The following ABCA9 variants were observed in gnomAD, a reference collection of about 807,000 sequenced individuals.
ABCA9 encodes the protein ATP binding cassette subfamily A member 9.
ABCA9 carries 183 observed loss-of-function variants against 205.3 expected under a neutral mutation model. The observed-to-expected ratio is 0.89, with a 90% CI of 0.79 to 1.01. The LOEUF (loss-of-function observed/expected upper bound fraction) is 1.01. Among genes scored for constraint, ABCA9 ranks in the 50% least tolerant of loss-of-function variants. The pLI, the probability that ABCA9 is intolerant of heterozygous loss-of-function variation, is 0.00. For synonymous variants in ABCA9, 651 were observed against 683.3 expected (o/e 0.95, Z 0.74); for missense variants, 1,805 against 1,912.4 (o/e 0.94, Z 1.05).
chr17:69,007,809 A>G lies in ABCA9; in HGVS notation c.3385T>C (p.Phe1129Leu). The G allele has an allele frequency of 6.2e-7, 1 of 1,612,194 alleles. No homozygotes were observed. Among genetic ancestry groups the G allele is most frequent in the Non-Finnish European group, 8.5e-7 (1 of 1,178,596 alleles). Residue 1129 changes from phenylalanine to leucine, a missense_variant, in exon 25 of 39, where the codon TTT becomes CTT. Coordinates refer to ENST00000340001, the MANE Select transcript of ABCA9 (RefSeq NM_080283.4). ...CCACTATTTTTTCTCCCATTGCGAA[A>G]AATGAATGAAATCACATATGTCAAG... ...VFLTYVISFI[F>L]RNGRKNSGIW...
chr17:69,026,889 G>C (rs1240204836), intron 15 of ABCA9, 87 bp downstream of exon 15: 2 of 1,491,396 alleles, frequency 1.3e-6, no homozygotes, highest in African/African-American at 2.8e-5. Flanking sequence ...GGCAGTTCCA[G>C]GGAGACACAG....
chr17:68,987,965 T>A lies in ABCA9; in HGVS notation c.4047+1062A>T, dbSNP rs143741031. On this transcript the variant is annotated intron_variant, in intron 31 of 38. Transcript: ENST00000340001. Reference sequence around the variant, plus strand: ...TTTTGGTAGAGATGGTGCTTCTCCATGTTGGTCAGATTGGTCTCTAACTCC... The same window carrying A: ...TTTTGGTAGAGATGGTGCTTCTCCAAGTTGGTCAGATTGGTCTCTAACTCC... Among the ~76,000 whole-genome samples, 149 of 152,290 alleles carry A rather than the reference T, an allele frequency of 9.8e-4. 1 individual carries two copies. Among genetic ancestry groups the A allele is most frequent in the East Asian group, 6.0e-3 (31 of 5,172 alleles).
intron 25 of ABCA9, among the ~76,000 whole-genome samples, chr17:69,003,786 G>C (rs914042354): frequency 6.6e-6 from 1 of 151,830 alleles, no homozygotes; most frequent in African/African-American, 2.4e-5. Flanking sequence ...TTTTCACATA[G>C]TCCCATATTT....
rs200082054 is a variant in ABCA9 at position 69,024,334 on chromosome 17, A to G, written c.2161T>C (p.Cys721Arg). 26 of 1,595,226 alleles carry G rather than the reference A, an allele frequency of 1.6e-5. 1 individual carries two copies. The East Asian group carries it at 5.4e-4, about 33-fold the overall frequency. The change falls in exon 17 of 39, where the codon TGT becomes CGT. Residue 721 changes from cysteine (C) to arginine (R), a missense_variant. Physicochemically the swap from Cys to Arg is radical, Grantham distance 180. Transcript: ENST00000340001. Reference sequence around the variant, plus strand: ...AGTGATGTTATACTCTCTGGATCACACCTTTCATTCAGATGCAAACTAACA... The same window carrying G: ...AGTGATGTTATACTCTCTGGATCACGCCTTTCATTCAGATGCAAACTAACA... ...YHLSLHLNER[C>R]DPESITSLVK...
chr17:69,050,380 A>G (rs1598413623), intron 2 of ABCA9, among the ~76,000 whole-genome samples: 1 of 151,638 alleles, frequency 6.6e-6, no homozygotes, highest in East Asian at 1.9e-4. Context: ...ACACACGTTC[A>G]TAAGATCAGA....
chr17:69,070,494 A>G, the ABCA9 span, among the ~76,000 whole-genome samples: 2 of 152,166 alleles, frequency 1.3e-5, no homozygotes, highest in African/African-American at 4.8e-5. Context: ...CAAGGGGTCA[A>G]GGAACTCCCT....
chr17:69,053,354 T>C (rs2071968607), intron 1 of ABCA9, among the ~76,000 whole-genome samples: 1 of 152,146 alleles, frequency 6.6e-6, no homozygotes, highest in Admixed American at 6.5e-5. Flanking sequence ...CCAAATATTA[T>C]AACTAACGCT....
chr17:69,035,326 A>G lies in ABCA9; in HGVS notation c.1048T>C (p.Leu350=). The change falls in exon 8 of 39, where the codon TTG becomes CTG. Residue 350 remains leucine (L), a synonymous_variant. Transcript: ENST00000340001. ...AAAAATGCAGGAAGACGTGTATACA[A>G]TGCTGGGAATCCCAGGATCCCCCAA... ...VFWGILGFPA[L]YTRLPAFLEW... 1 of 1,611,154 alleles carries G rather than the reference A, an allele frequency of 6.2e-7. No homozygotes were observed. The highest frequency in any genetic ancestry group is 8.5e-7 in the Non-Finnish European group (1 of 1,178,382).
At chr17:69,054,682 A>G (rs2072012743) in intron 1 of ABCA9, among the ~76,000 whole-genome samples, 1 of 151,976 alleles carries the variant, frequency 6.6e-6, no homozygotes, top group African/African-American at 2.4e-5. Context: ...TCAATTGTGT[A>G]TACTTATGTT....
chr17:68,987,223 A>C (rs1423733159), intron 31 of ABCA9, among the ~76,000 whole-genome samples: 1 of 152,228 alleles, frequency 6.6e-6, no homozygotes, highest in Non-Finnish European at 1.5e-5. Flanking sequence ...CAACAAGGTA[A>C]ATCTCGGACT....
At chr17:69,013,332 G>T (rs2070453756) in intron 22 of ABCA9, among the ~76,000 whole-genome samples, 1 of 152,026 alleles carries the variant, frequency 6.6e-6, no homozygotes, top group African/African-American at 2.4e-5. Context: ...GAGTTTTGAA[G>T]TTTCTTTACT....
At chr17:69,043,292 G>A in intron 6 of ABCA9, 197 bp downstream of exon 6, 1 of 516,276 alleles carries the variant, frequency 1.9e-6, no homozygotes, top group South Asian at 2.8e-5. Context: ...TGAGCAATAG[G>A]GAGTGGCTGT....
At position 68,989,524 on chromosome 17, in the gene ABCA9, C is replaced by T. The variant is rs141158846; in HGVS notation, c.3955+289G>A. Among the ~76,000 whole-genome samples, 630 of 152,208 alleles carry T rather than the reference C, an allele frequency of 4.1e-3. 4 individuals are homozygous for T. Among genetic ancestry groups the T allele is most frequent in the Middle Eastern group, 0.027 (8 of 294 alleles). ...CATTGGCTCCCTTCTGTGTAGTATT[C>T]GCTGCAATAACATTGTTACCTAAAA... On this transcript the variant is annotated intron_variant, in intron 30 of 38. Coordinates refer to ENST00000340001, the MANE Select transcript of ABCA9 (RefSeq NM_080283.4).
chr17:69,006,717 A>C lies in ABCA9; in HGVS notation c.3435+1042T>G, dbSNP rs112160443. On this transcript the variant is annotated intron_variant, in intron 25 of 38. Coordinates refer to ENST00000340001, the MANE Select transcript of ABCA9 (RefSeq NM_080283.4). ...TTGATGTACCTGGTAGTTTTGGGGA[A>C]GTGCTCAAAAAAACTACCAGACACA... 4.2e-3 allele frequency among the ~76,000 whole-genome samples: 635 copies of C among 152,234 alleles called. 8 individuals are homozygous for C. Among genetic ancestry groups the C allele is most frequent in the African/African-American group, 0.015 (611 of 41,540 alleles).
intron 19 of ABCA9, among the ~76,000 whole-genome samples, chr17:69,018,949 A>C (rs1277485884): frequency 6.6e-6 from 1 of 152,116 alleles, no homozygotes; most frequent in Non-Finnish European, 1.5e-5. Context: ...TACACTCTGA[A>C]CTTTATCCCA....
chr17:69,018,415 G>A lies in ABCA9; in HGVS notation c.2765C>T (p.Thr922Ile), dbSNP rs779084656. Residue 922 changes from threonine to isoleucine, a missense_variant and splice_region_variant, in exon 20 of 39, where the codon ACA (threonine) becomes ATA (isoleucine). Transcript: ENST00000340001. ...PLTHLLVINKTGSTIDNFLHS... is the reference protein window; with the variant it reads ...PLTHLLVINKIGSTIDNFLHS... ...CTGCATTTCAGCCCCATGTTCACCT[G>A]TCTTATTGATGACCAGTAAATGGGT... 1 of 1,564,698 alleles carries A rather than the reference G, an allele frequency of 6.4e-7. No individual in the cohort carries two copies.
Position 69,045,212 on chromosome 17 carries a change from T to A in ABCA9, c.429A>T (p.Gly143=). The change falls in exon 4 of 39, where the codon GGA becomes GGT. Residue 143 remains glycine, a synonymous_variant. Transcript: ENST00000340001. The part of the protein sequence containing the change: ...TFSYHLKFSW[G]HRIPMMKEHR... ...GCTCTTTCATCATGGGGATTCTATG[T>A]CCCCAAGAAAACTTCAAATGGTAGG... 2 of 1,613,198 alleles carry A rather than the reference T, an allele frequency of 1.2e-6. No homozygotes were observed. The highest frequency in any genetic ancestry group is 1.7e-6 in the Non-Finnish European group (2 of 1,179,598).
At chr17:69,035,511 G>C in intron 7 of ABCA9, 80 bp from the exon 8 acceptor site, 1 of 1,357,920 alleles carries the variant, frequency 7.4e-7, no homozygotes. Flanking sequence ...TATTATAAAA[G>C]TATATTTTAT....
chr17:69,035,228 T>C lies in ABCA9; in HGVS notation c.1128+18A>G, dbSNP rs1860448. 0.95 allele frequency: 1,432,577 copies of C among 1,503,500 alleles called. 682,721 individuals carry two copies. Among genetic ancestry groups the C allele is most frequent in the East Asian group, 1 (41,168 of 41,178 alleles). 93.1% of individuals were successfully genotyped at this position (1,503,500 alleles called of 1,614,324 possible). A position where few individuals can be genotyped will look rare whatever the true frequency, so the allele number is the denominator to read the frequency against. On this transcript the variant is annotated intron_variant, in intron 8 of 38. Coordinates refer to ENST00000340001, the MANE Select transcript of ABCA9 (RefSeq NM_080283.4). ...TAGAACGGTTTGTAAAAAGTGAAAGTGTTACCTTAACTCTTACCTGGGCCA... is the reference window on the plus strand; with the variant it reads ...TAGAACGGTTTGTAAAAAGTGAAAGCGTTACCTTAACTCTTACCTGGGCCA...
Sources: gnomAD v4.1 joint callset for allele counts (sites outside exome capture counted in the v4.1 genomes callset) on GRCh38, gnomAD v4.1.1 for gene constraint, MANE v1.5 for transcripts, NCBI Gene and HGNC (gene_info 2026-07-23, HGNC 2026-07-21) for gene names.